ITGB5: variants seen among roughly 807,000 people sequenced by gnomAD.
ITGB5 encodes the protein integrin subunit beta 5.
ITGB5 carries 38 observed loss-of-function variants against 84.8 expected under a neutral mutation model. The observed-to-expected ratio is 0.45, with a 90% CI of 0.35 to 0.59. The LOEUF (loss-of-function observed/expected upper bound fraction) is 0.59, where lower values mean the gene tolerates loss of function less well. Among genes scored for constraint, ITGB5 ranks in the 20% least tolerant of loss-of-function variants. The pLI is 0.01. For missense variants in ITGB5, 905 were observed against 1,034.5 expected (o/e 0.87, Z 1.72); for synonymous variants, 393 against 414.4 (o/e 0.95, Z 0.63).
intron 10 of ITGB5, among the ~76,000 whole-genome samples, chr3:124,778,852 T>C (rs1380684667): frequency 6.7e-6 from 1 of 150,020 alleles, no homozygotes; most frequent in African/African-American, 2.5e-5. Context: ...GGTGTGGCCA[T>C]GGGGAGATGC....
At chr3:124,870,464 C>T (rs1255195325) in intron 2 of ITGB5, among the ~76,000 whole-genome samples, 2 of 152,078 alleles carry the variant, frequency 1.3e-5, no homozygotes, top group Non-Finnish European at 2.9e-5. Context: ...CATGGTGGAT[C>T]ACACCTATAA....
At chr3:124,868,609 G>A (rs2065428587) in intron 2 of ITGB5, among the ~76,000 whole-genome samples, 1 of 99,816 alleles carries the variant, frequency 1.0e-5, no homozygotes, top group Non-Finnish European at 1.8e-5. Flanking sequence ...AGTGAGACCT[G>A]TTCTCTACCA....
intron 5 of ITGB5, among the ~76,000 whole-genome samples, chr3:124,836,628 C>A (rs1042563386): frequency 3.3e-5 from 5 of 152,098 alleles, no homozygotes; most frequent in Admixed American, 2.6e-4. Flanking sequence ...TGCAATTAGT[C>A]CCTGTGATAC....
chr3:124,854,551 A>C (rs968713086), intron 3 of ITGB5, among the ~76,000 whole-genome samples: 8 of 152,226 alleles, frequency 5.3e-5, no homozygotes, highest in Non-Finnish European at 1.0e-4. Flanking sequence ...CAGAATATGC[A>C]AAACTATATA....
chr3:124,773,964 AC>A (rs748939702), intron 10 of ITGB5, 52 bp from the exon 11 acceptor site: 1 of 1,524,606 alleles, frequency 6.6e-7, no homozygotes, highest in South Asian at 1.2e-5. Context: ...ACACATGAGC[AC>A]ATAACCATCT....
intron 5 of ITGB5, 113 bp downstream of exon 5, chr3:124,841,270 G>C: frequency 2.0e-6 from 2 of 992,510 alleles, no homozygotes; most frequent in Non-Finnish European, 3.0e-6. Flanking sequence ...CTTCAGAGTG[G>C]TCAGGAGCCA....
chr3:124,775,219 TGTGA>T (rs1458864611), intron 10 of ITGB5, among the ~76,000 whole-genome samples: 66 of 151,672 alleles, frequency 4.4e-4, no homozygotes, highest in African/African-American at 1.2e-3. Flanking sequence ...AGAAAGCGAG[TGTGA>T]GTGTGTATGA....
At chr3:124,814,440 A>G (rs1167555935) in intron 8 of ITGB5, among the ~76,000 whole-genome samples, 2 of 151,052 alleles carry the variant, frequency 1.3e-5, no homozygotes, top group East Asian at 1.9e-4. Context: ...CTGTATGTTA[A>G]TTATATGTCA....
At chr3:124,835,740 G>C (rs1222996452) in intron 5 of ITGB5, among the ~76,000 whole-genome samples, 1 of 152,212 alleles carries the variant, frequency 6.6e-6, no homozygotes, top group East Asian at 1.9e-4. Context: ...GCTTGGAAAA[G>C]TGACACAAGT....
intron 10 of ITGB5, among the ~76,000 whole-genome samples, chr3:124,793,601 G>A (rs750420455): frequency 7.9e-5 from 12 of 152,110 alleles, no homozygotes; most frequent in Non-Finnish European, 1.5e-4. Flanking sequence ...CAAAATACTG[G>A]GTGCTTCACA....
At chr3:124,869,313 C>T (rs182918564) in intron 2 of ITGB5, among the ~76,000 whole-genome samples, 194 of 152,286 alleles carry the variant, frequency 1.3e-3, no homozygotes, top group South Asian at 1.0e-3. Flanking sequence ...TGTTGGCTCA[C>T]GCCTGTAATC....
At chr3:124,895,962 G>T (rs1039863786) in intron 1 of ITGB5, among the ~76,000 whole-genome samples, 1 of 152,186 alleles carries the variant, frequency 6.6e-6, no homozygotes, top group African/African-American at 2.4e-5. Flanking sequence ...GCCAGAGCTG[G>T]CTCTATAATT....
intron 10 of ITGB5, among the ~76,000 whole-genome samples, chr3:124,788,763 T>A (rs1180001075): frequency 2.6e-5 from 4 of 152,200 alleles, no homozygotes; most frequent in Admixed American, 2.6e-4. Flanking sequence ...GCTAGAAGCA[T>A]CTGGGTGAAC....
chr3:124,877,324 G>T (rs2107645564), intron 1 of ITGB5, among the ~76,000 whole-genome samples: 1 of 152,132 alleles, frequency 6.6e-6, no homozygotes, highest in Non-Finnish European at 1.5e-5. Context: ...AAAAACAAAA[G>T]TGTGTGCAGG....
In ITGB5 at chr3:124,809,063, G is replaced by T; in HGVS notation, c.1222C>A (p.Pro408Thr). ...TATCQDGVSY[P>T]GQRKCEGLKI... Reference sequence around the variant, plus strand: ...AGACCCTCACACTTCCTCTGACCAGGATAGGATACCCCATCTTGGCAGGTA... The same window carrying T: ...AGACCCTCACACTTCCTCTGACCAGTATAGGATACCCCATCTTGGCAGGTA... Residue 408 changes from proline to threonine, a missense_variant, in exon 9 of 15, where the codon CCT (proline) becomes ACT (threonine). Coordinates refer to ENST00000296181, the MANE Select transcript of ITGB5 (RefSeq NM_002213.5). 6.2e-7 allele frequency: 1 copy of T among 1,614,096 alleles called. No individual in the cohort carries two copies. The highest frequency in any genetic ancestry group is 8.5e-7 in the Non-Finnish European group (1 of 1,179,998).
chr3:124,880,167 G>A (rs888597820), intron 1 of ITGB5, among the ~76,000 whole-genome samples: 25 of 152,128 alleles, frequency 1.6e-4, no homozygotes, highest in African/African-American at 5.3e-4. Context: ...AAAAGACTGA[G>A]AAACTGTCAC....
intron 5 of ITGB5, among the ~76,000 whole-genome samples, chr3:124,837,573 G>A (rs73199529): frequency 6.6e-6 from 1 of 152,210 alleles, no homozygotes; most frequent in South Asian, 2.1e-4. Flanking sequence ...TCCATTCATA[G>A]AAACAGGGTC....
At chr3:124,878,235 G>C (rs568800139) in intron 1 of ITGB5, among the ~76,000 whole-genome samples, 3 of 152,252 alleles carry the variant, frequency 2.0e-5, no homozygotes, top group East Asian at 3.9e-4. Flanking sequence ...GAGGTCCAGG[G>C]CTCAGGACAA....
chr3:124,864,042 AAAAAAG>A (rs2065345596), intron 2 of ITGB5, among the ~76,000 whole-genome samples: 1 of 141,690 alleles, frequency 7.1e-6, no homozygotes, highest in Non-Finnish European at 1.5e-5. Context: ...GAAAGAAAAG[AAAAAAG>A]AAAAAGAAAG....
Sources: gnomAD v4.1 joint callset for allele counts (sites outside exome capture counted in the v4.1 genomes callset) on GRCh38, gnomAD v4.1.1 for gene constraint, MANE v1.5 for transcripts, NCBI Gene and HGNC (gene_info 2026-07-23, HGNC 2026-07-21) for gene names.